The following ARHGAP24 variants were observed in gnomAD, a reference collection of about 807,000 sequenced individuals.
The protein encoded by ARHGAP24 is rho GTPase-activating protein 24.
ARHGAP24 carries 50 observed loss-of-function variants against 76.4 expected under a neutral mutation model. That is an observed-to-expected ratio of 0.65 (90% CI 0.52 to 0.83). The LOEUF (loss-of-function observed/expected upper bound fraction) is 0.83. ARHGAP24 is among the 40% of genes least tolerant of loss of function. The pLI, the probability that ARHGAP24 is intolerant of heterozygous loss-of-function variation, is 0.00. For missense variants in ARHGAP24, 930 were observed against 914.2 expected, an observed-to-expected ratio of 1.02 and a Z score of -0.22; for synonymous variants, 345 against 323.3, an observed-to-expected ratio of 1.07 and a Z score of -0.72.
intron 2 of ARHGAP24, among the ~76,000 whole-genome samples, chr4:85,650,717 C>A (rs1300062243): frequency 6.7e-6 from 1 of 149,226 alleles, no homozygotes; most frequent in Non-Finnish European, 1.5e-5. Context: ...TATTTACAGG[C>A]TAGCTAAGGA....
At chr4:85,577,733 T>C (rs902647612) in intron 2 of ARHGAP24, among the ~76,000 whole-genome samples, 14 of 152,178 alleles carry the variant, frequency 9.2e-5, no homozygotes, top group African/African-American at 3.4e-4. Context: ...TTGGAAGTCA[T>C]AGGAGGAGCC....
intron 2 of ARHGAP24, among the ~76,000 whole-genome samples, chr4:85,603,682 TATTC>T (rs575204515): frequency 2.6e-5 from 4 of 152,174 alleles, no homozygotes; most frequent in Non-Finnish European, 4.4e-5. Context: ...GCAGAAGATT[TATTC>T]ATTCATTCAT....
intron 3 of ARHGAP24, among the ~76,000 whole-genome samples, chr4:85,834,935 TA>T (rs1265092616): frequency 6.6e-6 from 1 of 152,156 alleles, no homozygotes; most frequent in Admixed American, 6.5e-5. Context: ...GTATAAAAAG[TA>T]GATTGAACCA....
At chr4:85,789,235 A>T (rs2110093283) in intron 3 of ARHGAP24, among the ~76,000 whole-genome samples, 1 of 151,924 alleles carries the variant, frequency 6.6e-6, no homozygotes, top group Non-Finnish European at 1.5e-5. Flanking sequence ...AAAAAAAAAA[A>T]AAAGATGGGA....
chr4:85,825,188 T>C (rs1320029768), intron 3 of ARHGAP24, among the ~76,000 whole-genome samples: 1 of 152,212 alleles, frequency 6.6e-6, no homozygotes, highest in Non-Finnish European at 1.5e-5. Flanking sequence ...CCTAAAACTC[T>C]GTTTCCACTT....
At chr4:85,803,504 A>G (rs1171443391) in intron 3 of ARHGAP24, among the ~76,000 whole-genome samples, 1 of 152,188 alleles carries the variant, frequency 6.6e-6, no homozygotes, top group Non-Finnish European at 1.5e-5. Context: ...TACCTTCATC[A>G]TGATGCTCAT....
At chr4:85,835,412 T>G (rs895619598) in intron 3 of ARHGAP24, among the ~76,000 whole-genome samples, 2 of 151,412 alleles carry the variant, frequency 1.3e-5, no homozygotes, top group Non-Finnish European at 2.9e-5. Context: ...ATACAAAAAT[T>G]AGCCAGGCGT....
At chr4:85,742,601 C>T (rs1360597464) in intron 3 of ARHGAP24, among the ~76,000 whole-genome samples, 6 of 152,176 alleles carry the variant, frequency 3.9e-5, no homozygotes, top group Non-Finnish European at 8.8e-5. Context: ...TCAATTTCCA[C>T]AATAATGCCA....
chr4:85,976,609 A>G (rs1368585974), intron 7 of ARHGAP24, among the ~76,000 whole-genome samples: 1 of 152,188 alleles, frequency 6.6e-6, no homozygotes, highest in African/African-American at 2.4e-5. Flanking sequence ...AAGCTCTTGT[A>G]TAAATGAAGA....
intron 3 of ARHGAP24, among the ~76,000 whole-genome samples, chr4:85,834,161 A>G (rs999119052): frequency 1.3e-5 from 2 of 152,200 alleles, no homozygotes; most frequent in African/African-American, 4.8e-5. Flanking sequence ...AGAGGTAGAA[A>G]AAGTTGGGGG....
At position 85,894,978 on chromosome 4, in the gene ARHGAP24, AAAAAAAAAAACAAAAC is replaced by A. The variant is rs1239712485; in HGVS notation, c.269-28664_269-28649del. Among the ~76,000 whole-genome samples, 91 of 38,070 alleles carry A rather than the reference AAAAAAAAAAACAAAAC, an allele frequency of 2.4e-3. 5 individuals are homozygous for A. Among genetic ancestry groups the A allele is most frequent in the African/African-American group, 5.0e-3 (38 of 7,626 alleles). The allele number at this position is 38,070 out of a possible 152,430, so 25.0% of individuals were successfully genotyped here. On this transcript the variant is annotated intron_variant, in intron 3 of 9. Transcript: ENST00000395184. ...TCCCTCTCAAAAAAAAAAAAAAAAAAAAAAAAAAAACAAAACAAAAAGCAAAAAAAAAAAAAAAAAA... is the reference window on the plus strand; with the variant it reads ...TCCCTCTCAAAAAAAAAAAAAAAAAAAAAAAGCAAAAAAAAAAAAAAAAAA...
chr4:85,669,974 C>A (rs907535756), intron 2 of ARHGAP24, among the ~76,000 whole-genome samples: 1 of 152,078 alleles, frequency 6.6e-6, no homozygotes, highest in East Asian at 1.9e-4. Flanking sequence ...GAGCACTGAT[C>A]CTCAGAAGGA....
chr4:85,651,077 G>C (rs1721925089), intron 2 of ARHGAP24, among the ~76,000 whole-genome samples: 1 of 149,194 alleles, frequency 6.7e-6, no homozygotes, highest in Non-Finnish European at 1.5e-5. Context: ...CCAGGTGGAA[G>C]CAGCAGCGTA....
At chr4:85,837,213 A>G (rs1578278887) in intron 3 of ARHGAP24, among the ~76,000 whole-genome samples, 1 of 152,110 alleles carries the variant, frequency 6.6e-6, no homozygotes, top group Non-Finnish European at 1.5e-5. Context: ...TTTTTCCTAC[A>G]CTTGCTTTGA....
chr4:85,780,374 A>G (rs939251473), intron 3 of ARHGAP24, among the ~76,000 whole-genome samples: 1 of 152,098 alleles, frequency 6.6e-6, no homozygotes, highest in African/African-American at 2.4e-5. Context: ...GGGTTTCACC[A>G]TGTTGGCCAC....
intron 2 of ARHGAP24, among the ~76,000 whole-genome samples, chr4:85,580,448 C>T (rs10023915): frequency 0.016 from 2,482 of 152,230 alleles, 74 homozygotes; most frequent in African/African-American, 0.056. Context: ...ATTGGCAGTA[C>T]ACCCCACAGC....
At chr4:85,665,566 G>A (rs1722580333) in intron 2 of ARHGAP24, among the ~76,000 whole-genome samples, 1 of 152,156 alleles carries the variant, frequency 6.6e-6, no homozygotes, top group African/African-American at 2.4e-5. Context: ...TATGATGTTA[G>A]CTGGTTATTT....
intron 2 of ARHGAP24, among the ~76,000 whole-genome samples, chr4:85,581,338 T>C (rs1727602375): frequency 6.6e-6 from 1 of 152,190 alleles, no homozygotes; most frequent in Admixed American, 6.5e-5. Context: ...AATCCTTAAC[T>C]CATCTTTGTG....
At chr4:85,582,311 G>A (rs1324608092) in intron 2 of ARHGAP24, among the ~76,000 whole-genome samples, 1 of 151,862 alleles carries the variant, frequency 6.6e-6, no homozygotes, top group East Asian at 1.9e-4. Flanking sequence ...ATGACACTAT[G>A]GCTTATCTAA....
Sources: gnomAD v4.1 joint callset for allele counts (sites outside exome capture counted in the v4.1 genomes callset) on GRCh38, gnomAD v4.1.1 for gene constraint, MANE v1.5 for transcripts, NCBI Gene and HGNC (gene_info 2026-07-23, HGNC 2026-07-21) for gene names.